The following SMYD4 variants were observed in gnomAD, a reference collection of about 807,000 sequenced individuals.
SMYD4 encodes SET and MYND domain containing 4, also known as protein-lysine N-methyltransferase SMYD4.
SMYD4 carries 68 observed loss-of-function variants against 72.8 expected under a neutral mutation model. The ratio of observed to expected loss-of-function variants is 0.93; its 90% CI spans 0.77 to 1.14. The LOEUF is 1.14. Ranked by LOEUF, SMYD4 falls within the 50% of genes most tolerant of loss-of-function variation. SMYD4 has a pLI of 0.00. For synonymous variants in SMYD4, 407 were observed against 388.6 expected (o/e 1.05, Z -0.56); for missense variants, 984 against 1,003.7 (o/e 0.98, Z 0.27).
chr17:1,798,169 C>T lies in SMYD4; in HGVS notation c.1537+1688G>A, dbSNP rs1430847685. ...TTTTTTTTCTCTTGAGACAGGGTTT[C>T]ACCCAGGCTGGAGTGCATCGGTGCG... On this transcript the variant is annotated intron_variant, in intron 5 of 10. Transcript: ENST00000305513. 4.0e-5 allele frequency among the ~76,000 whole-genome samples: 6 copies of T among 149,472 alleles called. No homozygotes were observed. In the East Asian group the frequency reaches 1.0e-3, roughly 25 times the overall value.
At chr17:1,785,439 G>A (rs116996727) in intron 7 of SMYD4, among the ~76,000 whole-genome samples, 145 of 124,452 alleles carry the variant, frequency 1.2e-3, no homozygotes, top group Non-Finnish European at 1.2e-3. Flanking sequence ...AAAAGAAAAA[G>A]AAAAAAAAAA....
chr17:1,812,551 T>C (rs1048213877), intron 2 of SMYD4, among the ~76,000 whole-genome samples: 9 of 132,376 alleles, frequency 6.8e-5, no homozygotes, highest in Admixed American at 1.5e-4. Context: ...ATTTCTTTTT[T>C]TTTTTTTTTT....
chr17:1,781,622 A>G lies in SMYD4; in HGVS notation c.2262-183T>C, dbSNP rs902897316. On this transcript the variant is annotated intron_variant, in intron 10 of 10. Transcript: ENST00000305513. ...AAAACAAAAGTGTGAGAAAACAGTT[A>G]TAAAAGATAGTATAGACGCCAGGAT... 6.5e-6 allele frequency: 4 copies of G among 614,682 alleles called. No homozygotes were observed. The African/African-American group carries it at 7.6e-5, about 12-fold the overall frequency. 38.1% of individuals were successfully genotyped at this position (614,682 alleles called of 1,614,324 possible).
chr17:1,783,249 A>C (rs765902210), intron 9 of SMYD4, 91 bp from the exon 10 acceptor site: 13 of 1,610,392 alleles, frequency 8.1e-6, no homozygotes, highest in Non-Finnish European at 1.1e-5. Flanking sequence ...CGAGAGGGGG[A>C]GCACCCTCAG....
At chr17:1,789,767 A>AAAAAAAAAAAAG (rs1567768092) in intron 5 of SMYD4, among the ~76,000 whole-genome samples, 2 of 151,304 alleles carry the variant, frequency 1.3e-5, no homozygotes, top group African/African-American at 4.8e-5. Flanking sequence ...TCTGTCTCAA[A>AAAAAAAAAAAAG]AAAAAAAAAA....
chr17:1,816,619 CA>C (rs780808950), intron 2 of SMYD4, among the ~76,000 whole-genome samples: 147 of 136,680 alleles, frequency 1.1e-3, no homozygotes, highest in Non-Finnish European at 1.2e-3. Flanking sequence ...GACTCTGTCT[CA>C]AAAAAAAAAA....
At position 1,800,096 on chromosome 17, in the gene SMYD4, T is replaced by C; in HGVS notation, c.1298A>G (p.Glu433Gly). Residue 433 changes from glutamate to glycine, a missense_variant, in exon 5 of 11, where the codon GAA (glutamate) becomes GGA (glycine). Glu to Gly is a moderately conservative substitution (Grantham distance 98). Coordinates refer to ENST00000305513, the MANE Select transcript of SMYD4 (RefSeq NM_052928.3). The part of the protein sequence containing the change: ...NAVFNLLPHT[E>G]NHSPEHKFLC... Reference sequence around the variant, plus strand: ...GAATTTGTGCTCTGGGCTATGGTTTTCAGTGTGGGGCAAAAGGTTGAAGAC... The same window carrying C: ...GAATTTGTGCTCTGGGCTATGGTTTCCAGTGTGGGGCAAAAGGTTGAAGAC... The C allele has an allele frequency of 6.2e-7, 1 of 1,611,356 alleles. No individual in the cohort carries two copies. The highest frequency in any genetic ancestry group is 8.5e-7 in the Non-Finnish European group (1 of 1,178,106).
At chr17:1,789,877 A>C (rs922431948) in intron 5 of SMYD4, among the ~76,000 whole-genome samples, 5 of 152,188 alleles carry the variant, frequency 3.3e-5, no homozygotes, top group Non-Finnish European at 7.3e-5. Flanking sequence ...AGAACAAGTA[A>C]ATACATTTTG....
At chr17:1,793,232 A>G (rs1371040611) in intron 5 of SMYD4, among the ~76,000 whole-genome samples, 2 of 151,742 alleles carry the variant, frequency 1.3e-5, no homozygotes, top group Non-Finnish European at 2.9e-5. Context: ...GCATATTTTT[A>G]AAAGTTGATT....
intron 5 of SMYD4, among the ~76,000 whole-genome samples, chr17:1,795,405 CTCTATCTATCTATCTA>C (rs6145948): frequency 0.038 from 5,707 of 148,908 alleles, 169 homozygotes; most frequent in African/African-American, 0.073. Flanking sequence ...ACGATCTCAG[CTCTATCTATCTATCTA>C]TCTATCTATC....
At chr17:1,804,800 T>G in intron 3 of SMYD4, 85 bp from the exon 4 acceptor site, 1 of 1,335,358 alleles carries the variant, frequency 7.5e-7, no homozygotes. Context: ...GCTCTAGTAC[T>G]GAAGACTGTG....
At chr17:1,791,242 G>T (rs1909014697) in intron 5 of SMYD4, among the ~76,000 whole-genome samples, 1 of 151,894 alleles carries the variant, frequency 6.6e-6, no homozygotes, top group African/African-American at 2.4e-5. Flanking sequence ...CAGGAATCCG[G>T]ATAGATCATA....
intron 3 of SMYD4, among the ~76,000 whole-genome samples, chr17:1,809,021 T>A (rs1228625206): frequency 6.6e-6 from 1 of 152,138 alleles, no homozygotes; most frequent in East Asian, 1.9e-4. Flanking sequence ...CAGAGTAGGA[T>A]GTACACCCTT....
rs60740904 is a variant in SMYD4 at position 1,789,764 on chromosome 17, CA to C, written c.1538-2161del. On this transcript the variant is annotated intron_variant, in intron 5 of 10. Transcript: ENST00000305513. ...TGGGTGAAAGAGCGAGACTCTGTCT[CA>C]AAAAAAAAAAAAAAGTTTTATAAAG... is the stretch of plus-strand genomic sequence containing the variant. Among the ~76,000 whole-genome samples, 114 of 90,114 alleles carry C rather than the reference CA, an allele frequency of 1.3e-3. No homozygotes were observed. The South Asian group carries it at 0.015, about 12-fold the overall frequency. 59.1% of individuals were successfully genotyped at this position (90,114 alleles called of 152,430 possible).
At position 1,794,352 on chromosome 17, in the gene SMYD4, C is replaced by A. The variant is rs185524861; in HGVS notation, c.1537+5505G>T. Among the ~76,000 whole-genome samples, 162 of 150,004 alleles carry A rather than the reference C, an allele frequency of 1.1e-3. 1 individual carries two copies. Among genetic ancestry groups the A allele is most frequent in the African/African-American group, 3.5e-3 (144 of 40,728 alleles). On this transcript the variant is annotated intron_variant, in intron 5 of 10. Transcript: ENST00000305513. ...GCCAGGATGGACACGATCTCCTGAC[C>A]TTGTGATCCACCCACCTCAGCCTCC...
chr17:1,802,552 G>C (rs1167457451), intron 4 of SMYD4, among the ~76,000 whole-genome samples: 1 of 152,068 alleles, frequency 6.6e-6, no homozygotes, highest in African/African-American at 2.4e-5. Context: ...AGTTATAAAG[G>C]GTTCAATGTA....
rs1908340667 is a variant in SMYD4 at position 1,781,164 on chromosome 17, G to A, written c.*122C>T. ...TTGAACTCCTGACATCAGGTGATCC[G>A]CCCACCTTAGCCTCCCAAAGTGCTG... On this transcript the variant is annotated 3_prime_UTR_variant, in exon 11 of 11. Transcript: ENST00000305513. 1.0e-5 allele frequency: 13 copies of A among 1,267,538 alleles called. No homozygotes were observed. Among genetic ancestry groups the A allele is most frequent in the South Asian group, 1.5e-5 (1 of 65,652 alleles). 78.5% of individuals were successfully genotyped at this position (1,267,538 alleles called of 1,614,324 possible).
chr17:1,808,362 G>C (rs941374582), intron 3 of SMYD4, among the ~76,000 whole-genome samples: 2 of 152,086 alleles, frequency 1.3e-5, no homozygotes, highest in Admixed American at 1.3e-4. Context: ...GAAAAAAGCA[G>C]GTCACAAAAG....
At chr17:1,823,913 G>A (rs1054460432) in intron 2 of SMYD4, among the ~76,000 whole-genome samples, 9 of 152,118 alleles carry the variant, frequency 5.9e-5, no homozygotes, top group Admixed American at 2.0e-4. Flanking sequence ...ACATTCTGAT[G>A]ACATCCTTTG....
Sources: gnomAD v4.1 joint callset for allele counts (sites outside exome capture counted in the v4.1 genomes callset) on GRCh38, gnomAD v4.1.1 for gene constraint, MANE v1.5 for transcripts, NCBI Gene and HGNC (gene_info 2026-07-23, HGNC 2026-07-21) for gene names.